The following PCMT1 variants were observed in gnomAD, a reference collection of about 807,000 sequenced individuals.
PCMT1 encodes protein-L-isoaspartate(D-aspartate) O-methyltransferase.
PCMT1 carries 9 observed loss-of-function variants against 29.2 expected under a neutral mutation model. That is an observed-to-expected ratio of 0.31 (90% CI 0.19 to 0.54). PCMT1 has a LOEUF of 0.54. Ranked by LOEUF, PCMT1 falls within the 20% of genes least tolerant of loss-of-function variation. PCMT1 has a pLI of 0.95. For synonymous variants in PCMT1, 98 were observed against 97.5 expected, an observed-to-expected ratio of 1.00 and a Z score of -0.03; for missense variants, 184 against 282.2, an observed-to-expected ratio of 0.65 and a Z score of 2.49.
chr6:149,795,476 A>G (rs149446216), intron 5 of PCMT1: 7 of 398,422 alleles, frequency 1.8e-5, no homozygotes, highest in Admixed American at 1.3e-4. Flanking sequence ...GAGTAACACT[A>G]TATTTGTTGT....
In PCMT1 at chr6:149,770,082, G is replaced by A. The variant is rs543649299; in HGVS notation, c.56-1080G>A. Among the ~76,000 whole-genome samples the A allele has an allele frequency of 2.0e-5, 3 of 152,112 alleles. 1 individual carries two copies. In the South Asian group the frequency reaches 6.2e-4, roughly 32 times the overall value. On this transcript the variant is annotated intron_variant, in intron 1 of 7. Coordinates refer to ENST00000464889, the MANE Select transcript of PCMT1 (RefSeq NM_001360452.2). ...TGCATATCTTTTAGATGTTGGCTTT[G>A]TCTTCTCTACTTATTCTCTGGCCAC... is the stretch of plus-strand genomic sequence containing the variant.
At position 149,764,581 on chromosome 6, in the gene PCMT1, C is replaced by CT. The variant is rs369251615; in HGVS notation, c.56-6577dup. On this transcript the variant is annotated intron_variant, in intron 1 of 7. Transcript: ENST00000464889. ...GCAAGACCCACTCTCTAAAAAAAAA[C>CT]TTTTAAAAATTAGCCGAGTGTGGTG... is the stretch of plus-strand genomic sequence containing the variant. Among the ~76,000 whole-genome samples the CT allele has an allele frequency of 4.7e-4, 72 of 151,938 alleles. No individual in the cohort carries two copies. The East Asian group carries it at 0.013, about 27-fold the overall frequency.
chr6:149,786,047 C>G (rs1300708601), intron 3 of PCMT1, among the ~76,000 whole-genome samples: 1 of 143,358 alleles, frequency 7.0e-6, no homozygotes, highest in Admixed American at 6.8e-5. Flanking sequence ...CTGACCCCCC[C>G]ACCTCCCTCC....
chr6:149,757,494 G>A (rs1208432143), intron 1 of PCMT1, among the ~76,000 whole-genome samples: 2 of 152,190 alleles, frequency 1.3e-5, no homozygotes, highest in African/African-American at 2.4e-5. Context: ...AAGATAACAA[G>A]AGGATCAGCA....
At chr6:149,772,286 A>G (rs1787359049) in intron 2 of PCMT1, 2 of 339,458 alleles carry the variant, frequency 5.9e-6, no homozygotes, top group South Asian at 2.3e-5. Flanking sequence ...CAAGAAAAGA[A>G]ACTAAAAGTT....
chr6:149,777,274 A>G (rs1017823015), intron 3 of PCMT1, among the ~76,000 whole-genome samples: 13 of 152,264 alleles, frequency 8.5e-5, no homozygotes, highest in African/African-American at 3.1e-4. Context: ...TAAAATGGTG[A>G]ATATCACATG....
chr6:149,803,045 T>G (rs1361084553), intron 7 of PCMT1, among the ~76,000 whole-genome samples: 1 of 85,824 alleles, frequency 1.2e-5, no homozygotes, highest in Non-Finnish European at 2.0e-5. Context: ...AGAGCAAGGC[T>G]CTGTCTCAAA....
At chr6:149,791,385 C>T (rs1279234394) in intron 4 of PCMT1, among the ~76,000 whole-genome samples, 1 of 152,182 alleles carries the variant, frequency 6.6e-6, no homozygotes, top group Non-Finnish European at 1.5e-5. Context: ...CAATGGCTAT[C>T]CAGAGTATTA....
chr6:149,797,641 G>A (rs1236781896), intron 6 of PCMT1: 2 of 152,076 alleles, frequency 1.3e-5, no homozygotes, highest in East Asian at 3.9e-4. Context: ...TTTGTGCCAT[G>A]GCACTGTAGC....
intron 4 of PCMT1, among the ~76,000 whole-genome samples, chr6:149,792,880 G>T (rs964186869): frequency 6.6e-6 from 1 of 152,026 alleles, no homozygotes; most frequent in African/African-American, 2.4e-5. Context: ...CAGGCGGGAG[G>T]CAGGGTGTGT....
chr6:149,802,429 G>A lies in PCMT1; in HGVS notation c.*37+13G>A, dbSNP rs746959005. On this transcript the variant is annotated intron_variant, in intron 7 of 7. Transcript: ENST00000464889. Reference sequence around the variant, plus strand: ...CCACACATGCAAGGTGAAAGGGTGTGGATTTTAAGACATTAGACTACAAGA... The same window carrying A: ...CCACACATGCAAGGTGAAAGGGTGTAGATTTTAAGACATTAGACTACAAGA... 6 of 1,529,208 alleles carry A rather than the reference G, an allele frequency of 3.9e-6. 1 individual carries two copies. Among genetic ancestry groups the A allele is most frequent in the South Asian group, 2.6e-5 (2 of 77,706 alleles). 94.7% of individuals were successfully genotyped at this position (1,529,208 alleles called of 1,614,324 possible).
intron 5 of PCMT1, among the ~76,000 whole-genome samples, chr6:149,794,347 C>T (rs534091919): frequency 4.6e-5 from 7 of 152,220 alleles, no homozygotes; most frequent in Admixed American, 2.0e-4. Flanking sequence ...TGGCCAGGAG[C>T]GGTGGCTCAC....
intron 5 of PCMT1, chr6:149,794,894 A>T (rs1286274501): frequency 6.3e-6 from 3 of 476,808 alleles, no homozygotes; most frequent in African/African-American, 2.0e-5. Flanking sequence ...CACTTCTTGT[A>T]TTAGAAACGT....
intron 1 of PCMT1, among the ~76,000 whole-genome samples, chr6:149,761,768 T>C (rs1448064001): frequency 6.6e-6 from 1 of 152,198 alleles, no homozygotes; most frequent in Non-Finnish European, 1.5e-5. Context: ...CATTTCCTAA[T>C]TGATTGACAG....
rs75330085 is a variant in PCMT1 at position 149,771,818 on chromosome 6, G to T, written c.160+552G>T. ...CAGGCATGAGCCACCACACCCTGCC[G>T]TAAAAAAAAACTTTTAATGAAAACT... On this transcript the variant is annotated intron_variant, in intron 2 of 7. Coordinates refer to ENST00000464889, the MANE Select transcript of PCMT1 (RefSeq NM_001360452.2). Among the ~76,000 whole-genome samples, 106 of 151,994 alleles carry T rather than the reference G, an allele frequency of 7.0e-4. 3 individuals carry two copies. The East Asian group carries it at 0.016, about 23-fold the overall frequency.
chr6:149,784,480 T>A (rs1280520676), intron 3 of PCMT1, among the ~76,000 whole-genome samples: 1 of 152,028 alleles, frequency 6.6e-6, no homozygotes, highest in Non-Finnish European at 1.5e-5. Context: ...TCTCTCTTTT[T>A]TTTTTTTTGA....
At chr6:149,795,647 T>C in intron 5 of PCMT1, 1 of 442,202 alleles carries the variant, frequency 2.3e-6, no homozygotes, top group East Asian at 5.5e-5. Flanking sequence ...TGGATTACTA[T>C]AAAATAGGAA....
intron 7 of PCMT1, among the ~76,000 whole-genome samples, chr6:149,804,230 A>G (rs1299221071): frequency 2.0e-5 from 3 of 152,044 alleles, no homozygotes; most frequent in Admixed American, 6.6e-5. Context: ...TTGTGAGATT[A>G]TTGTAGTATA....
intron 1 of PCMT1, among the ~76,000 whole-genome samples, chr6:149,769,305 A>ATTTTTTTTTTTTTTTTTT (rs1234622188): frequency 6.2e-5 from 3 of 48,126 alleles, no homozygotes; most frequent in African/African-American, 1.5e-4. Flanking sequence ...TTTGTGCAGG[A>ATTTTTTTTTTTTTTTTTT]TTCTTTTTTT....
Sources: allele counts gnomAD v4.1 joint callset (sites outside exome capture counted in the v4.1 genomes callset), GRCh38; gene constraint gnomAD v4.1.1; transcripts MANE v1.5; gene names NCBI Gene and HGNC (gene_info 2026-07-23, HGNC 2026-07-21).